Variants in MICAL3 observed in about 807,000 individuals in gnomAD.
The protein encoded by MICAL3 is [F-actin]-monooxygenase MICAL3.
In MICAL3, 62 loss-of-function variants were observed where a neutral mutation model predicts 207.4. The observed-to-expected ratio is 0.30, with a 90% CI of 0.24 to 0.37. MICAL3 has a LOEUF of 0.37. Ranked by LOEUF, MICAL3 falls within the 10% of genes least tolerant of loss-of-function variation. The probability of loss-of-function intolerance (pLI) is 1.00; values close to 1 mark genes in which losing one functional copy is unlikely to be tolerated. For synonymous variants in MICAL3, 1,077 were observed against 1,069.3 expected, an observed-to-expected ratio of 1.01 and a Z score of -0.14; for missense variants, 2,368 against 2,635.6, an observed-to-expected ratio of 0.90 and a Z score of 2.22.
intron 19 of MICAL3, chr22:17,863,239 A>T: frequency 4.1e-6 from 4 of 985,394 alleles, no homozygotes; most frequent in East Asian, 1.1e-4. Context: ...AATTCTTTTT[A>T]AAAAATGTTC....
chr22:17,920,685 A>G (rs940936244), intron 1 of MICAL3, among the ~76,000 whole-genome samples: 22 of 151,782 alleles, frequency 1.4e-4, no homozygotes, highest in Admixed American at 1.1e-3. Flanking sequence ...GCTACTAAAC[A>G]TTTCCATTTA....
intron 1 of MICAL3, among the ~76,000 whole-genome samples, chr22:17,945,917 A>G (rs892736949): frequency 1.3e-5 from 2 of 152,160 alleles, no homozygotes; most frequent in African/African-American, 4.8e-5. Context: ...TAGAAACTGA[A>G]GGGCCCAGCT....
At chr22:17,898,664 C>A (rs1047991820) in intron 7 of MICAL3, among the ~76,000 whole-genome samples, 1 of 152,224 alleles carries the variant, frequency 6.6e-6, no homozygotes, top group Non-Finnish European at 1.5e-5. Flanking sequence ...TTTCTCATCG[C>A]ATGGGGACAG....
At chr22:17,839,233 G>C (rs1489418636) in intron 20 of MICAL3, among the ~76,000 whole-genome samples, 1 of 150,360 alleles carries the variant, frequency 6.7e-6, no homozygotes, top group East Asian at 2.0e-4. Flanking sequence ...ACAGGCATGA[G>C]CTACCGCACC....
At chr22:17,976,555 G>C (rs1411056159) in intron 1 of MICAL3, among the ~76,000 whole-genome samples, 1 of 71,124 alleles carries the variant, frequency 1.4e-5, no homozygotes, top group African/African-American at 9.1e-5. Context: ...GTGTGTGTGT[G>C]TGTGTGTATA....
chr22:17,806,246 C>T (rs746737201), intron 29 of MICAL3, among the ~76,000 whole-genome samples: 3 of 152,198 alleles, frequency 2.0e-5, no homozygotes, highest in East Asian at 3.8e-4. Flanking sequence ...CACCTGCCAC[C>T]GTTCAGGGTC....
chr22:17,898,115 A>G (rs1931007505), intron 7 of MICAL3, among the ~76,000 whole-genome samples: 1 of 151,898 alleles, frequency 6.6e-6, no homozygotes, highest in Non-Finnish European at 1.5e-5. Context: ...CTTAAAAAAA[A>G]AAAAACATGA....
intron 1 of MICAL3, among the ~76,000 whole-genome samples, chr22:17,939,279 T>C (rs916101182): frequency 6.6e-6 from 1 of 152,200 alleles, no homozygotes; most frequent in African/African-American, 2.4e-5. Flanking sequence ...TTCACTTCTT[T>C]ATAAATCACT....
intron 7 of MICAL3, among the ~76,000 whole-genome samples, chr22:17,897,669 T>A (rs1930971449): frequency 6.6e-6 from 1 of 152,048 alleles, no homozygotes; most frequent in Non-Finnish European, 1.5e-5. Flanking sequence ...TGGGACCACG[T>A]GAAACACTCA....
rs1183544547 is a variant in MICAL3 at position 17,893,818 on chromosome 22, C to G, written c.1536G>C (p.Leu512Phe). 1.9e-6 allele frequency: 3 copies of G among 1,572,558 alleles called. No homozygotes were observed. In the East Asian group the frequency reaches 7.0e-5, roughly 37 times the overall value. The change falls in exon 11 of 32, where the codon TTG becomes TTC. Residue 512 changes from leucine (L) to phenylalanine (F), a missense_variant. Leu to Phe is a conservative substitution (Grantham distance 22). Transcript: ENST00000441493. ...ACCACCAGAACTCACCATTGCGAGT[C>G]AATTTGGGGGTGGTTCGGGAATTCA... is the stretch of plus-strand genomic sequence containing the variant. ...SLVNSRTTPK[L>F]TRNESVARSS... is the part of the protein sequence containing the mutation.
chr22:17,832,154 C>G, intron 20 of MICAL3, 47 bp from the exon 21 acceptor site: 2 of 1,544,780 alleles, frequency 1.3e-6, no homozygotes, highest in Non-Finnish European at 1.7e-6. Context: ...TGAAGAAAAA[C>G]TGAGAAGGGG....
intron 11 of MICAL3, among the ~76,000 whole-genome samples, chr22:17,892,230 T>C (rs1930453175): frequency 6.6e-6 from 1 of 152,216 alleles, no homozygotes; most frequent in Non-Finnish European, 1.5e-5. Flanking sequence ...CCTTGTACTA[T>C]GAATTCTCAA....
intron 11 of MICAL3, among the ~76,000 whole-genome samples, chr22:17,892,221 C>T (rs1011590716): frequency 3.3e-5 from 5 of 152,208 alleles, no homozygotes; most frequent in African/African-American, 9.7e-5. Flanking sequence ...AGCTTGGCAC[C>T]TTGTACTATG....
At chr22:17,914,961 G>A (rs1194911433) in intron 1 of MICAL3, among the ~76,000 whole-genome samples, 1 of 152,124 alleles carries the variant, frequency 6.6e-6, no homozygotes, top group African/African-American at 2.4e-5. Flanking sequence ...ACCTCAACCT[G>A]CCCACTGTCA....
At chr22:17,835,483 C>T (rs1295177740) in intron 20 of MICAL3, among the ~76,000 whole-genome samples, 1 of 152,222 alleles carries the variant, frequency 6.6e-6, no homozygotes, top group Non-Finnish European at 1.5e-5. Flanking sequence ...GCGTCACACA[C>T]AAGATTCACA....
At chr22:17,860,798 G>A (rs1001165120) in intron 19 of MICAL3, 31 of 972,740 alleles carry the variant, frequency 3.2e-5, no homozygotes, top group African/African-American at 8.7e-5. Context: ...CCTTACAGGC[G>A]TGCTGCCCGT....
chr22:17,937,135 C>A (rs1933575128), intron 1 of MICAL3, among the ~76,000 whole-genome samples: 1 of 152,198 alleles, frequency 6.6e-6, no homozygotes, highest in Non-Finnish European at 1.5e-5. Context: ...GAAATAACAT[C>A]CTGAGTCGCA....
intron 1 of MICAL3, among the ~76,000 whole-genome samples, chr22:17,960,509 G>T (rs143552713): frequency 9.1e-4 from 139 of 152,308 alleles, no homozygotes; most frequent in African/African-American, 3.1e-3. Flanking sequence ...CCCAGCATAT[G>T]GGAAGGAAAC....
intron 29 of MICAL3, among the ~76,000 whole-genome samples, chr22:17,799,986 G>T (rs1009195923): frequency 7.0e-6 from 1 of 143,348 alleles, no homozygotes; most frequent in Admixed American, 6.8e-5. Flanking sequence ...ACACACACGC[G>T]TTGGGAAACC....
Sources: gnomAD v4.1 joint callset for allele counts (sites outside exome capture counted in the v4.1 genomes callset) on GRCh38, gnomAD v4.1.1 for gene constraint, MANE v1.5 for transcripts, NCBI Gene and HGNC (gene_info 2026-07-23, HGNC 2026-07-21) for gene names.